HEMK2: variants seen among roughly 807,000 people sequenced by gnomAD.
HEMK2 encodes HemK methyltransferase 2, ETF1 glutamine and histone H4 lysine, also known as methyltransferase HEMK2.
chr21:28,680,204 A>C, the HEMK2 span, among the ~76,000 whole-genome samples: 1 of 152,230 alleles, frequency 6.6e-6, no homozygotes, highest in African/African-American at 2.4e-5. Flanking sequence ...TGCAATAAAA[A>C]ATGACAAAGG....
chr21:28,822,751 AG>A, the HEMK2 span, among the ~76,000 whole-genome samples: 1 of 152,172 alleles, frequency 6.6e-6, no homozygotes, highest in African/African-American at 2.4e-5. Context: ...GCATCAACAA[AG>A]CTCTGTGCCA....
chr21:28,597,968 A>C, the HEMK2 span, among the ~76,000 whole-genome samples: 1 of 152,238 alleles, frequency 6.6e-6, no homozygotes, highest in Admixed American at 6.5e-5. Flanking sequence ...CAACAAAAGA[A>C]GCATGAACTT....
the HEMK2 span, among the ~76,000 whole-genome samples, chr21:28,585,988 T>C: frequency 2.6e-5 from 4 of 152,194 alleles, no homozygotes. Flanking sequence ...GATTCATGAA[T>C]TATAAGATGG....
chr21:28,595,657 C>T, the HEMK2 span, among the ~76,000 whole-genome samples: 3 of 152,192 alleles, frequency 2.0e-5, no homozygotes, highest in Admixed American at 6.5e-5. Flanking sequence ...CATATCTCTT[C>T]GATATGTTGA....
At chr21:28,870,662 A>G in the HEMK2 span, among the ~76,000 whole-genome samples, 10 of 152,156 alleles carry the variant, frequency 6.6e-5, no homozygotes, top group Non-Finnish European at 1.0e-4. Flanking sequence ...CAGCCTCCCA[A>G]AGTGGTGGGA....
the HEMK2 span, among the ~76,000 whole-genome samples, chr21:28,578,339 T>C: frequency 6.6e-6 from 1 of 152,224 alleles, no homozygotes; most frequent in Non-Finnish European, 1.5e-5. Context: ...CAGCTCTCCA[T>C]AACAAGGTTG....
chr21:28,717,124 T>C, the HEMK2 span, among the ~76,000 whole-genome samples: 1 of 152,212 alleles, frequency 6.6e-6, no homozygotes, highest in Non-Finnish European at 1.5e-5. Context: ...AGGATGATGC[T>C]GGGTTTGTAG....
the HEMK2 span, among the ~76,000 whole-genome samples, chr21:28,688,437 T>C: frequency 2.0e-5 from 3 of 152,182 alleles, no homozygotes; most frequent in East Asian, 5.8e-4. Flanking sequence ...TGCTGCTCTG[T>C]GGCAGGTCTG....
At chr21:28,634,456 A>C in the HEMK2 span, among the ~76,000 whole-genome samples, 1 of 152,246 alleles carries the variant, frequency 6.6e-6, no homozygotes, top group Non-Finnish European at 1.5e-5. Context: ...CACGCATAGC[A>C]CAGGACAAAA....
chr21:28,633,758 A>G, the HEMK2 span, among the ~76,000 whole-genome samples: 2 of 152,290 alleles, frequency 1.3e-5, no homozygotes, highest in African/African-American at 4.8e-5. Context: ...TACAATACGA[A>G]TAGTTCTCTG....
At chr21:28,638,740 C>G in the HEMK2 span, among the ~76,000 whole-genome samples, 1 of 152,122 alleles carries the variant, frequency 6.6e-6, no homozygotes, top group African/African-American at 2.4e-5. Context: ...TCCAGGCTGG[C>G]CTCACGTACA....
the HEMK2 span, among the ~76,000 whole-genome samples, chr21:28,734,404 A>G: frequency 6.6e-6 from 1 of 152,200 alleles, no homozygotes; most frequent in Non-Finnish European, 1.5e-5. Flanking sequence ...AAATTTGGCA[A>G]GACAATTTTT....
chr21:28,599,048 T>A, the HEMK2 span, among the ~76,000 whole-genome samples: 1 of 152,210 alleles, frequency 6.6e-6, no homozygotes, highest in African/African-American at 2.4e-5. Context: ...TCCTAAAGTT[T>A]AGTCTGCACT....
At chr21:28,792,224 A>T in the HEMK2 span, among the ~76,000 whole-genome samples, 2 of 152,128 alleles carry the variant, frequency 1.3e-5, no homozygotes, top group African/African-American at 4.8e-5. Context: ...ATCAAAAAAT[A>T]ACCATCAAAA....
At chr21:28,601,002 G>A in the HEMK2 span, among the ~76,000 whole-genome samples, 4 of 152,138 alleles carry the variant, frequency 2.6e-5, no homozygotes, top group African/African-American at 7.2e-5. Context: ...AAAAACCTTG[G>A]AGTTATCCTT....
the HEMK2 span, among the ~76,000 whole-genome samples, chr21:28,758,999 T>A: frequency 6.6e-6 from 1 of 152,172 alleles, no homozygotes; most frequent in South Asian, 2.1e-4. Context: ...CAAAATGCAA[T>A]TGTCACAATA....
the HEMK2 span, among the ~76,000 whole-genome samples, chr21:28,781,572 G>C: frequency 1.3e-5 from 2 of 152,142 alleles, no homozygotes; most frequent in Admixed American, 1.3e-4. Flanking sequence ...AATGGTAAAA[G>C]GTACATAGAG....
chr21:28,678,041 T>C, the HEMK2 span, among the ~76,000 whole-genome samples: 4 of 152,134 alleles, frequency 2.6e-5, no homozygotes, highest in East Asian at 1.9e-4. Flanking sequence ...CAAAGCTGGA[T>C]GGAGAATGAC....
the HEMK2 span, among the ~76,000 whole-genome samples, chr21:28,600,010 G>C: frequency 2.0e-5 from 3 of 152,212 alleles, no homozygotes; most frequent in African/African-American, 7.2e-5. Flanking sequence ...GCAGTGTACA[G>C]CTTCTCCCCA....
Sources: allele counts gnomAD v4.1 joint callset (sites outside exome capture counted in the v4.1 genomes callset), GRCh38; gene constraint gnomAD v4.1.1; transcripts MANE v1.5; gene names NCBI Gene and HGNC (gene_info 2026-07-23, HGNC 2026-07-21).